Variants in IKZF1 observed in about 807,000 individuals in gnomAD.
IKZF1 encodes the protein DNA-binding protein Ikaros.
In IKZF1, 10 loss-of-function variants were observed where a neutral mutation model predicts 51.7. The ratio of observed to expected loss-of-function variants is 0.19; its 90% CI spans 0.12 to 0.33. The LOEUF is 0.33. Among genes scored for constraint, IKZF1 ranks in the 10% least tolerant of loss-of-function variants. The probability of loss-of-function intolerance (pLI) is 1.00; values close to 1 mark genes in which losing one functional copy is unlikely to be tolerated. For synonymous variants in IKZF1, 280 were observed against 282.3 expected, an observed-to-expected ratio of 0.99 and a Z score of 0.08; for missense variants, 484 against 707.5, an observed-to-expected ratio of 0.68 and a Z score of 3.58.
chr7:50,350,389 C>T (rs1255899291), intron 3 of IKZF1, among the ~76,000 whole-genome samples: 2 of 152,216 alleles, frequency 1.3e-5, no homozygotes, highest in African/African-American at 4.8e-5. Context: ...GGTGCAGATG[C>T]TAAGTTTGAT....
intron 5 of IKZF1, among the ~76,000 whole-genome samples, chr7:50,383,186 C>T (rs1002265260): frequency 6.6e-6 from 1 of 152,156 alleles, no homozygotes; most frequent in African/African-American, 2.4e-5. Flanking sequence ...GCGCACCCAC[C>T]CAGACTGAGC....
In IKZF1 at chr7:50,404,470, G is replaced by A. The variant is rs1818664211; in HGVS notation, c.*3843G>A. 4 of 229,560 alleles carry A rather than the reference G, an allele frequency of 1.7e-5. No individual in the cohort carries two copies. Among genetic ancestry groups the A allele is most frequent in the Admixed American group, 1.1e-4 (2 of 17,636 alleles). 14.2% of individuals were successfully genotyped at this position (229,560 alleles called of 1,614,324 possible). ...CCTATCCCGTGAAGTCCACACTGGC[G>A]TAAGAGAAGGCCCAGCAGAGCAGGA... is the stretch of plus-strand genomic sequence containing the variant. On this transcript the variant is annotated 3_prime_UTR_variant, in exon 8 of 8. Transcript: ENST00000331340.
At chr7:50,308,491 T>C (rs1176937784) in intron 1 of IKZF1, among the ~76,000 whole-genome samples, 3 of 152,226 alleles carry the variant, frequency 2.0e-5, no homozygotes, top group Non-Finnish European at 4.4e-5. Context: ...AATTCTTTTC[T>C]CCCATGGCCA....
chr7:50,343,635 A>G (rs1424350646), intron 3 of IKZF1, among the ~76,000 whole-genome samples: 2 of 152,376 alleles, frequency 1.3e-5, no homozygotes, highest in Non-Finnish European at 2.9e-5. Context: ...TGTGGTTACA[A>G]TGTTACTGTC....
chr7:50,324,982 A>C (rs557087129), intron 2 of IKZF1, among the ~76,000 whole-genome samples: 1 of 151,736 alleles, frequency 6.6e-6, no homozygotes, highest in Non-Finnish European at 1.5e-5. Context: ...TAGTTTCTCA[A>C]CCTCCCACCT....
At position 50,387,393 on chromosome 7, in the gene IKZF1, G is replaced by A. The variant is rs1422790468; in HGVS notation, c.638G>A (p.Arg213Gln). The A allele has an allele frequency of 1.9e-6, 3 of 1,613,250 alleles. No individual in the cohort carries two copies. The highest frequency in any genetic ancestry group is 1.7e-6 in the Non-Finnish European group (2 of 1,179,650). ...TATTGTGGCCGAAGCTATAAACAGC[G>A]AAGCTCTTTAGAGGAACATAAAGAG... ...CGYCGRSYKQ[R>Q]SSLEEHKERC... Residue 213 changes from arginine (R) to glutamine (Q), a missense_variant, in exon 6 of 8, where the codon CGA (arginine) becomes CAA (glutamine). Around this residue, in one of 6 missense-constraint regions of IKZF1, gnomAD observed 53 missense variants for 167.7 expected, o/e 0.32. Transcript: ENST00000331340.
chr7:50,356,926 G>A (rs902676553), intron 3 of IKZF1, among the ~76,000 whole-genome samples: 6 of 151,804 alleles, frequency 4.0e-5, no homozygotes, highest in African/African-American at 1.5e-4. Context: ...CAGAAGGCCC[G>A]ACTGTCCGGT....
intron 4 of IKZF1, among the ~76,000 whole-genome samples, chr7:50,381,392 C>G (rs1301867839): frequency 1.3e-5 from 2 of 152,192 alleles, no homozygotes; most frequent in Non-Finnish European, 2.9e-5. Flanking sequence ...CTAAATAAAG[C>G]ATTTGTTTTA....
chr7:50,385,908 G>A (rs920836264), intron 5 of IKZF1, among the ~76,000 whole-genome samples: 1 of 152,154 alleles, frequency 6.6e-6, no homozygotes, highest in Admixed American at 6.5e-5. Context: ...TTAAATGGTC[G>A]AGAAGTCAAA....
At chr7:50,349,689 G>A (rs867721640) in intron 3 of IKZF1, among the ~76,000 whole-genome samples, 1 of 152,132 alleles carries the variant, frequency 6.6e-6, no homozygotes, top group African/African-American at 2.4e-5. Flanking sequence ...GGGTGATGGG[G>A]AATGGGTGGG....
intron 3 of IKZF1, among the ~76,000 whole-genome samples, chr7:50,332,893 A>G (rs1028017122): frequency 4.6e-5 from 7 of 151,972 alleles, no homozygotes; most frequent in Non-Finnish European, 1.0e-4. Flanking sequence ...GGAGCAGCCA[A>G]CTCCTGAAGT....
At chr7:50,383,325 T>C (rs908441017) in intron 5 of IKZF1, among the ~76,000 whole-genome samples, 2 of 152,178 alleles carry the variant, frequency 1.3e-5, no homozygotes, top group African/African-American at 4.8e-5. Flanking sequence ...CCACATAATC[T>C]GGAGTCTTGA....
chr7:50,368,932 C>G (rs955134624), intron 3 of IKZF1: 2 of 221,224 alleles, frequency 9.0e-6, no homozygotes, highest in African/African-American at 4.5e-5. Context: ...AGACAGGTGT[C>G]TGACATCCTG....
chr7:50,310,343 A>G (rs1789860304), intron 1 of IKZF1, among the ~76,000 whole-genome samples: 1 of 152,258 alleles, frequency 6.6e-6, no homozygotes, highest in South Asian at 2.1e-4. Flanking sequence ...CAACTTACTT[A>G]AGAGCTGCAG....
intron 6 of IKZF1, among the ~76,000 whole-genome samples, chr7:50,389,360 A>G (rs1363689731): frequency 1.3e-5 from 2 of 151,798 alleles, no homozygotes; most frequent in African/African-American, 4.8e-5. Context: ...CTATGTCAGT[A>G]AGGCTACGTG....
chr7:50,385,058 C>G (rs1305869190), intron 5 of IKZF1, among the ~76,000 whole-genome samples: 1 of 152,122 alleles, frequency 6.6e-6, no homozygotes, highest in African/African-American at 2.4e-5. Flanking sequence ...GTTTCCTATT[C>G]TAAGTACCAC....
intron 1 of IKZF1, among the ~76,000 whole-genome samples, chr7:50,312,106 C>T (rs867715957): frequency 4.6e-5 from 7 of 152,074 alleles, no homozygotes; most frequent in Admixed American, 2.0e-4. Context: ...CCTCTGAAAT[C>T]GGTAAGAGGG....
intron 3 of IKZF1, among the ~76,000 whole-genome samples, chr7:50,347,747 G>A (rs1055587527): frequency 1.2e-4 from 19 of 152,194 alleles, no homozygotes; most frequent in African/African-American, 3.9e-4. Context: ...CATGTTTGAC[G>A]CGTGTCACAT....
chr7:50,334,605 G>A (rs1180642632), intron 3 of IKZF1, among the ~76,000 whole-genome samples: 1 of 150,240 alleles, frequency 6.7e-6, no homozygotes, highest in Non-Finnish European at 1.5e-5. Flanking sequence ...AATGGGATGT[G>A]TAGTGTATGT....
Sources: allele counts gnomAD v4.1 joint callset (sites outside exome capture counted in the v4.1 genomes callset), GRCh38; gene constraint gnomAD v4.1.1; regional missense constraint gnomAD v4.1.1; transcripts MANE v1.5; gene names NCBI Gene and HGNC (gene_info 2026-07-23, HGNC 2026-07-21).